Variants in ESRRG observed in about 807,000 individuals in gnomAD.
The protein encoded by ESRRG is estrogen-related receptor gamma.
A neutral mutation model predicts 44.0 loss-of-function variants in ESRRG; 13 were observed. The ratio of observed to expected loss-of-function variants is 0.30; its 90% CI spans 0.19 to 0.47. ESRRG has a LOEUF of 0.47. Ranked by LOEUF, ESRRG falls within the 20% of genes least tolerant of loss-of-function variation. The pLI is 1.00. For missense variants in ESRRG, 395 were observed against 580.6 expected (o/e 0.68, Z 3.29); for synonymous variants, 215 against 214.6 (o/e 1.00, Z -0.02).
At chr1:216,857,693 A>G (rs1214677756) in intron 2 of ESRRG, among the ~76,000 whole-genome samples, 1 of 150,986 alleles carries the variant, frequency 6.6e-6, no homozygotes, top group African/African-American at 2.5e-5. Context: ...AGTCTAGTCC[A>G]GAAGCTAATT....
intron 1 of ESRRG, among the ~76,000 whole-genome samples, chr1:216,985,392 G>T (rs767621131): frequency 6.6e-6 from 1 of 152,160 alleles, no homozygotes; most frequent in Non-Finnish European, 1.5e-5. Flanking sequence ...TCCAATCCAG[G>T]CTGGAGAAGG....
intron 6 of ESRRG, among the ~76,000 whole-genome samples, chr1:216,513,631 C>T (rs2043348102): frequency 6.6e-6 from 1 of 152,114 alleles, no homozygotes; most frequent in Non-Finnish European, 1.5e-5. Context: ...CCTCCATGGT[C>T]GTGGTTGTAG....
intron 2 of ESRRG, among the ~76,000 whole-genome samples, chr1:216,741,608 G>T (rs2090745397): frequency 6.6e-6 from 1 of 152,080 alleles, no homozygotes; most frequent in African/African-American, 2.4e-5. Context: ...TAAGCTACTT[G>T]AAGGCAGAGA....
chr1:217,076,508 T>G (rs2091310890), intron 1 of ESRRG, among the ~76,000 whole-genome samples: 3 of 152,198 alleles, frequency 2.0e-5, no homozygotes, highest in Admixed American at 6.5e-5. Context: ...CAAATATTAT[T>G]GTGATATCTG....
intron 1 of ESRRG, among the ~76,000 whole-genome samples, chr1:217,045,700 G>A (rs1400715876): frequency 2.6e-5 from 4 of 152,184 alleles, no homozygotes; most frequent in Admixed American, 6.5e-5. Context: ...TAGATACGAC[G>A]GCAGTTGTCG....
At chr1:216,675,705 T>C (rs971360096) in intron 2 of ESRRG, among the ~76,000 whole-genome samples, 2 of 152,164 alleles carry the variant, frequency 1.3e-5, no homozygotes, top group Non-Finnish European at 2.9e-5. Flanking sequence ...TCTGTTTGAG[T>C]TAATACAGGA....
chr1:216,541,914 C>T (rs143754934), intron 5 of ESRRG, among the ~76,000 whole-genome samples: 6 of 151,956 alleles, frequency 3.9e-5, no homozygotes, highest in Non-Finnish European at 8.8e-5. Flanking sequence ...TTCCTGGGAG[C>T]TTTGACTACT....
At chr1:216,922,820 A>G (rs975551947) in intron 2 of ESRRG, among the ~76,000 whole-genome samples, 11 of 152,064 alleles carry the variant, frequency 7.2e-5, no homozygotes. Context: ...TGTTGTTAAC[A>G]ATTGCAAGTT....
chr1:216,821,687 G>GAAAAAAAAAAAAAAAAAAAAAAAAAAA (rs1251334274), intron 2 of ESRRG, among the ~76,000 whole-genome samples: 1 of 54,196 alleles, frequency 1.8e-5, no homozygotes, highest in African/African-American at 6.3e-5. Flanking sequence ...CCTGCCTCAG[G>GAAAAAAAAAAAAAAAAAAAAAAAAAAA]AAAAATAAAT....
intron 1 of ESRRG, among the ~76,000 whole-genome samples, chr1:217,081,387 C>A (rs1371489318): frequency 1.2e-4 from 18 of 151,644 alleles, no homozygotes; most frequent in Admixed American, 1.1e-3. Flanking sequence ...GCCACCACGC[C>A]CAGCTGATTT....
chr1:216,693,115 G>A (rs957780651), intron 1 of ESRRG, among the ~76,000 whole-genome samples: 7 of 152,066 alleles, frequency 4.6e-5, no homozygotes, highest in Admixed American at 2.0e-4. Context: ...CACTTTCTGC[G>A]CAACTTCTAT....
intron 2 of ESRRG, among the ~76,000 whole-genome samples, chr1:216,899,479 G>A (rs2058815709): frequency 6.6e-6 from 1 of 152,174 alleles, no homozygotes; most frequent in Non-Finnish European, 1.5e-5. Flanking sequence ...CACTGAAGAT[G>A]AGGAAGAGAA....
chr1:216,958,445 T>C (rs2068383413), intron 1 of ESRRG, among the ~76,000 whole-genome samples: 1 of 152,164 alleles, frequency 6.6e-6, no homozygotes, highest in Non-Finnish European at 1.5e-5. Flanking sequence ...TGGGTTCGTG[T>C]TGATATTGTT....
At chr1:217,049,860 G>T (rs143374962) in intron 1 of ESRRG, among the ~76,000 whole-genome samples, 1 of 152,226 alleles carries the variant, frequency 6.6e-6, no homozygotes, top group Admixed American at 6.5e-5. Flanking sequence ...GAATGGGGCA[G>T]AAAGTGAAGT....
chr1:216,579,500 A>T (rs542976203), intron 3 of ESRRG, among the ~76,000 whole-genome samples: 1 of 152,302 alleles, frequency 6.6e-6, no homozygotes, highest in East Asian at 1.9e-4. Context: ...GGTGAAGTCC[A>T]TAGCCTGTAT....
upstream of ESRRG, chr1:217,089,704 G>A (rs1297343747): frequency 1.3e-5 from 2 of 152,088 alleles, no homozygotes; most frequent in Non-Finnish European, 2.9e-5. Context: ...CCGGTGGCAA[G>A]GGCACGGCCC....
chr1:216,884,134 C>T (rs1198717741), intron 2 of ESRRG, among the ~76,000 whole-genome samples: 1 of 152,158 alleles, frequency 6.6e-6, no homozygotes, highest in Non-Finnish European at 1.5e-5. Flanking sequence ...ATTCCAGAAT[C>T]CCATCAGCAA....
chr1:216,818,243 T>C (rs1484608460), intron 2 of ESRRG, among the ~76,000 whole-genome samples: 9 of 152,366 alleles, frequency 5.9e-5, no homozygotes, highest in Middle Eastern at 3.4e-3. Context: ...GTCATTTCAT[T>C]ACCAATGAAT....
intron 1 of ESRRG, among the ~76,000 whole-genome samples, chr1:216,705,124 C>A (rs2082189874): frequency 6.6e-6 from 1 of 151,974 alleles, no homozygotes; most frequent in Admixed American, 6.6e-5. Context: ...CTTTTTTGGG[C>A]TAATCAAGTA....
Sources: gnomAD v4.1 joint callset for allele counts (sites outside exome capture counted in the v4.1 genomes callset) on GRCh38, gnomAD v4.1.1 for gene constraint, MANE v1.5 for transcripts, NCBI Gene and HGNC (gene_info 2026-07-23, HGNC 2026-07-21) for gene names.